The following UGGT2 variants were observed in gnomAD, a reference collection of about 807,000 sequenced individuals.
The protein encoded by UGGT2 is UDP-glucose:glycoprotein glucosyltransferase 2.
UGGT2 carries 180 observed loss-of-function variants against 192.1 expected under a neutral mutation model. That is an observed-to-expected ratio of 0.94 (90% CI 0.83 to 1.06). The LOEUF is 1.06. Ranked by LOEUF, UGGT2 falls within the 50% of genes least tolerant of loss-of-function variation. UGGT2 has a pLI of 0.00. For synonymous variants in UGGT2, 580 were observed against 591.0 expected (o/e 0.98, Z 0.27); for missense variants, 1,849 against 1,795.7 (o/e 1.03, Z -0.54).
At chr13:95,928,717 G>A (rs536532817) in intron 17 of UGGT2, among the ~76,000 whole-genome samples, 121 of 151,584 alleles carry the variant, frequency 8.0e-4, no homozygotes, top group Non-Finnish European at 1.1e-3. Context: ...CAGACTGGGC[G>A]GCTGGGCAGA....
At chr13:95,966,878 G>A (rs551646563) in intron 12 of UGGT2, among the ~76,000 whole-genome samples, 20 of 152,108 alleles carry the variant, frequency 1.3e-4, no homozygotes, top group Middle Eastern at 3.4e-3. Context: ...ATTTTTACAT[G>A]ACATAATTCT....
chr13:95,949,778 A>C (rs2049998867), intron 12 of UGGT2, among the ~76,000 whole-genome samples: 1 of 152,236 alleles, frequency 6.6e-6, no homozygotes, highest in African/African-American at 2.4e-5. Flanking sequence ...TTTAATTATC[A>C]GCAGTAAATG....
At chr13:95,803,234 A>G (rs1170869844) in intron 38 of UGGT2, among the ~76,000 whole-genome samples, 1 of 152,114 alleles carries the variant, frequency 6.6e-6, no homozygotes, top group Non-Finnish European at 1.5e-5. Context: ...AAAGGGTGGG[A>G]GAGAGGGGGA....
intron 12 of UGGT2, among the ~76,000 whole-genome samples, chr13:95,954,346 G>A (rs941544081): frequency 6.6e-6 from 1 of 152,132 alleles, no homozygotes; most frequent in African/African-American, 2.4e-5. Flanking sequence ...TGAAAAACTA[G>A]CTCAGGCCAT....
intron 25 of UGGT2, among the ~76,000 whole-genome samples, chr13:95,890,422 G>A (rs536934174): frequency 1.3e-5 from 2 of 152,076 alleles, no homozygotes; most frequent in African/African-American, 2.4e-5. Flanking sequence ...TAGTTTGCAC[G>A]GGGCTAACAT....
intron 32 of UGGT2, among the ~76,000 whole-genome samples, chr13:95,860,489 TAA>T (rs947668386): frequency 1.4e-5 from 2 of 139,808 alleles, no homozygotes; most frequent in Non-Finnish European, 1.6e-5. Flanking sequence ...TAATTTTAAG[TAA>T]AAAAAAAAAG....
At chr13:96,049,765 C>T (rs1265003697) in intron 1 of UGGT2, among the ~76,000 whole-genome samples, 1 of 152,126 alleles carries the variant, frequency 6.6e-6, no homozygotes, top group Non-Finnish European at 1.5e-5. Context: ...AGGAATCCAA[C>T]TTACAAGGGA....
intron 10 of UGGT2, among the ~76,000 whole-genome samples, chr13:95,979,634 T>C (rs894147653): frequency 4.6e-5 from 7 of 151,486 alleles, no homozygotes; most frequent in Non-Finnish European, 7.4e-5. Context: ...CTGATCTGTA[T>C]TCTTCTTATT....
chr13:95,842,403 A>G (rs2139955179), intron 36 of UGGT2, among the ~76,000 whole-genome samples: 2 of 152,334 alleles, frequency 1.3e-5, no homozygotes, highest in Middle Eastern at 6.8e-3. Context: ...CTGTGTATAA[A>G]TAATTCATTC....
intron 38 of UGGT2, among the ~76,000 whole-genome samples, chr13:95,818,903 C>T (rs1885209384): frequency 6.6e-6 from 1 of 152,120 alleles, no homozygotes; most frequent in African/African-American, 2.4e-5. Context: ...TACCTCTAGG[C>T]CTTTCCCACA....
chr13:95,807,716 C>CTTTTTTTTTTTTTTTTTTTTTTTT, intron 38 of UGGT2, among the ~76,000 whole-genome samples: 13 of 78,704 alleles, frequency 1.7e-4, no homozygotes, highest in African/African-American at 2.1e-4. Context: ...CAGCCCTCAC[C>CTTTTTTTTTTTTTTTTTTTTTTTT]TTTTTTTTTT....
At chr13:95,906,810 G>A (rs371371586) in intron 20 of UGGT2, among the ~76,000 whole-genome samples, 33 of 152,280 alleles carry the variant, frequency 2.2e-4, no homozygotes, top group African/African-American at 6.7e-4. Flanking sequence ...AGATGGGGGC[G>A]TTCCAAGATG....
chr13:95,970,047 T>G, intron 12 of UGGT2, 65 bp downstream of exon 12: 1 of 1,490,568 alleles, frequency 6.7e-7, no homozygotes, highest in Non-Finnish European at 9.2e-7. Context: ...CTGCCGATAC[T>G]TCATTTTATG....
chr13:95,978,713 G>T (rs567586256), intron 10 of UGGT2, among the ~76,000 whole-genome samples: 1 of 152,306 alleles, frequency 6.6e-6, no homozygotes, highest in East Asian at 1.9e-4. Context: ...TATGGTGAGA[G>T]ATGGGGGTCT....
chr13:95,880,271 G>A (rs565455734), intron 27 of UGGT2, among the ~76,000 whole-genome samples: 1 of 152,132 alleles, frequency 6.6e-6, no homozygotes, highest in Non-Finnish European at 1.5e-5. Context: ...TATTGAATGT[G>A]ATTTTGTGTA....
chr13:95,999,200 A>G lies in UGGT2; in HGVS notation c.757+11T>C. 1 of 1,606,742 alleles carries G rather than the reference A, an allele frequency of 6.2e-7. No homozygotes were observed. Among genetic ancestry groups the G allele is most frequent in the East Asian group, 2.2e-5 (1 of 44,714 alleles). ...TTTCATTCTACTCAAGTACTGAGAT[A>G]GAGAACTTACTTTTAACTTGGGTAT... is the stretch of plus-strand genomic sequence containing the variant. On this transcript the variant is annotated intron_variant, in intron 6 of 38. Coordinates refer to ENST00000376747, the MANE Select transcript of UGGT2 (RefSeq NM_020121.4).
intron 12 of UGGT2, among the ~76,000 whole-genome samples, chr13:95,962,281 T>C (rs1045333179): frequency 3.3e-5 from 5 of 151,772 alleles, no homozygotes; most frequent in African/African-American, 7.3e-5. Flanking sequence ...ATCAACAAAA[T>C]GAAAAGTTTG....
chr13:95,819,930 G>C lies in UGGT2; in HGVS notation c.4528+12997C>G, dbSNP rs541964488. Among the ~76,000 whole-genome samples, 8 of 152,284 alleles carry C rather than the reference G, an allele frequency of 5.3e-5. No individual in the cohort carries two copies. The South Asian group carries it at 1.7e-3, about 32-fold the overall frequency. Reference sequence around the variant, plus strand: ...CCCAGCACTTTGGGAGGCCAAGGTGGGCAGATCACTTGAGGCCAGGAGTTT... The same window carrying C: ...CCCAGCACTTTGGGAGGCCAAGGTGCGCAGATCACTTGAGGCCAGGAGTTT... On this transcript the variant is annotated intron_variant, in intron 38 of 38. Coordinates refer to ENST00000376747, the MANE Select transcript of UGGT2 (RefSeq NM_020121.4).
At chr13:96,018,589 T>C (rs1219337987) in intron 4 of UGGT2, among the ~76,000 whole-genome samples, 2 of 152,096 alleles carry the variant, frequency 1.3e-5, no homozygotes, top group African/African-American at 2.4e-5. Context: ...ATCATTACCA[T>C]CCTAAATGAG....
Sources: gnomAD v4.1 joint callset for allele counts (sites outside exome capture counted in the v4.1 genomes callset) on GRCh38, gnomAD v4.1.1 for gene constraint, MANE v1.5 for transcripts, NCBI Gene and HGNC (gene_info 2026-07-23, HGNC 2026-07-21) for gene names.